The following PTPRG variants were observed in gnomAD, a reference collection of about 807,000 sequenced individuals.
The protein encoded by PTPRG is protein tyrosine phosphatase receptor type G, also known as receptor-type tyrosine-protein phosphatase gamma.
In PTPRG, 102 loss-of-function variants were observed where a neutral mutation model predicts 165.3. The ratio of observed to expected loss-of-function variants is 0.62; its 90% CI spans 0.53 to 0.73. PTPRG has a LOEUF of 0.73. PTPRG is among the 30% of genes least tolerant of loss of function. PTPRG has a pLI of 0.00. For synonymous variants in PTPRG, 675 were observed against 669.5 expected, an observed-to-expected ratio of 1.01 and a Z score of -0.13; for missense variants, 1,866 against 1,861.4, an observed-to-expected ratio of 1.00 and a Z score of -0.05.
intron 2 of PTPRG, among the ~76,000 whole-genome samples, chr3:61,828,394 G>A (rs1290500239): frequency 7.9e-5 from 12 of 152,192 alleles, no homozygotes; most frequent in African/African-American, 2.7e-4. Flanking sequence ...AGTCAGTAGC[G>A]TCTGGGAATA....
chr3:62,273,857 A>ATTTGAATTTATGCT lies in PTPRG; in HGVS notation c.3465+13_3465+14insTTTGAATTTATGCT. ...AAAGCAATTCAAGGTAGTGCTTTGA[A>ATTTGAATTTATGCT]AAAGTTTCTTTGGCATAAAGCAAGA... On this transcript the variant is annotated intron_variant, in intron 23 of 29. Coordinates refer to ENST00000474889, the MANE Select transcript of PTPRG (RefSeq NM_002841.4). The surrounding 1 kb of genome is among the most constrained non-coding windows in gnomAD (Gnocchi z 4.1). 1 of 1,611,146 alleles carries ATTTGAATTTATGCT rather than the reference A, an allele frequency of 6.2e-7. No homozygotes were observed. The highest frequency in any genetic ancestry group is 8.5e-7 in the Non-Finnish European group (1 of 1,178,068).
intron 1 of PTPRG, among the ~76,000 whole-genome samples, chr3:61,747,308 G>A (rs964397636): frequency 3.3e-5 from 5 of 151,134 alleles, no homozygotes; most frequent in Non-Finnish European, 5.9e-5. Flanking sequence ...AACATAGCAA[G>A]ACAGTGTTTT....
chr3:61,983,713 A>G (rs112610034), intron 2 of PTPRG, among the ~76,000 whole-genome samples: 9 of 152,166 alleles, frequency 5.9e-5, no homozygotes, highest in African/African-American at 1.9e-4. Context: ...TATGATTTCT[A>G]TGCTCATACA....
At position 62,214,330 on chromosome 3, in the gene PTPRG, G is replaced by A. The variant is rs755165215; in HGVS notation, c.2156-4521G>A. ...GATGGTGGCGGGTGATGGTGTTGCCGAAGCTGGGGTGGTGGTGATGACAAT... is the reference window on the plus strand; with the variant it reads ...GATGGTGGCGGGTGATGGTGTTGCCAAAGCTGGGGTGGTGGTGATGACAAT... On this transcript the variant is annotated intron_variant, in intron 12 of 29. Coordinates refer to ENST00000474889, the MANE Select transcript of PTPRG (RefSeq NM_002841.4). The surrounding 1 kb of genome is among the most constrained non-coding windows in gnomAD (Gnocchi z 5.2). 3.9e-5 allele frequency among the ~76,000 whole-genome samples: 6 copies of A among 152,186 alleles called. No individual in the cohort carries two copies. The highest frequency in any genetic ancestry group is 5.9e-5 in the Non-Finnish European group (4 of 68,028).
chr3:61,875,665 C>T (rs2037719336), intron 2 of PTPRG, among the ~76,000 whole-genome samples: 1 of 152,132 alleles, frequency 6.6e-6, no homozygotes, highest in Non-Finnish European at 1.5e-5. Context: ...ACGGCACACA[C>T]ACACACAGCA....
In PTPRG at chr3:61,865,850, G is replaced by A. The variant is rs528598030; in HGVS notation, c.190+116868G>A. On this transcript the variant is annotated intron_variant, in intron 2 of 29. Transcript: ENST00000474889. ...TGCTGCTCTTTATTTTCTGCCAGCT[G>A]CATCTGTACTCTTCTAGAAAATGCT... is the stretch of plus-strand genomic sequence containing the variant. Among the ~76,000 whole-genome samples, 3 of 152,316 alleles carry A rather than the reference G, an allele frequency of 2.0e-5. No homozygotes were observed. In the East Asian group the frequency reaches 5.8e-4, roughly 29 times the overall value.
chr3:61,914,144 G>T (rs1476847796), intron 2 of PTPRG, among the ~76,000 whole-genome samples: 3 of 152,200 alleles, frequency 2.0e-5, no homozygotes, highest in African/African-American at 7.2e-5. Context: ...TAGAACTGAT[G>T]TCATGATTAG....
At chr3:61,657,584 G>T (rs1166610953) in intron 1 of PTPRG, among the ~76,000 whole-genome samples, 4 of 152,132 alleles carry the variant, frequency 2.6e-5, no homozygotes, top group Non-Finnish European at 5.9e-5. Context: ...CTCAACTCTG[G>T]CACATGCTTG....
intron 1 of PTPRG, among the ~76,000 whole-genome samples, chr3:61,620,582 A>T (rs190530145): frequency 9.9e-4 from 151 of 152,146 alleles, no homozygotes; most frequent in African/African-American, 3.6e-3. Flanking sequence ...TTCCAAAGTA[A>T]TGTCATTTGG....
chr3:62,244,864 T>A (rs1425022694), intron 15 of PTPRG, among the ~76,000 whole-genome samples: 1 of 152,202 alleles, frequency 6.6e-6, no homozygotes, highest in Non-Finnish European at 1.5e-5. Flanking sequence ...TAGAAAAATT[T>A]CCTTAAAGTT....
chr3:61,968,030 C>T (rs770151697), intron 2 of PTPRG, among the ~76,000 whole-genome samples: 4 of 152,020 alleles, frequency 2.6e-5, no homozygotes, highest in East Asian at 1.9e-4. Flanking sequence ...ATATCAAGCA[C>T]GTCTTATTGG....
At chr3:62,204,334 G>T (rs561719317) in intron 12 of PTPRG, among the ~76,000 whole-genome samples, 1 of 152,174 alleles carries the variant, frequency 6.6e-6, no homozygotes, top group South Asian at 2.1e-4. Flanking sequence ...CCAGGGACTG[G>T]GCAGGGTGCT....
At chr3:62,007,461 A>G (rs754314539) in intron 4 of PTPRG, among the ~76,000 whole-genome samples, 1 of 152,354 alleles carries the variant, frequency 6.6e-6, no homozygotes, top group Admixed American at 6.5e-5. Flanking sequence ...AGTTGAAGTC[A>G]GATTACAATG....
intron 1 of PTPRG, among the ~76,000 whole-genome samples, chr3:61,575,281 TAAAC>T (rs1472715991): frequency 5.3e-5 from 8 of 152,222 alleles, no homozygotes; most frequent in South Asian, 2.1e-4. Context: ...TCTGACCACA[TAAAC>T]AAAGGATTTT....
intron 9 of PTPRG, among the ~76,000 whole-genome samples, chr3:62,192,690 C>A (rs1576118665): frequency 6.6e-6 from 1 of 152,042 alleles, no homozygotes; most frequent in African/African-American, 2.4e-5. Flanking sequence ...GGATTACAGG[C>A]GTGAGCCACT....
intron 4 of PTPRG, among the ~76,000 whole-genome samples, chr3:62,076,834 G>C (rs1273427557): frequency 2.6e-5 from 4 of 152,178 alleles, no homozygotes; most frequent in Non-Finnish European, 5.9e-5. Flanking sequence ...GCCCGCCACA[G>C]CCTCCCAAAG....
intron 14 of PTPRG, among the ~76,000 whole-genome samples, chr3:62,235,032 T>C (rs1415820383): frequency 6.6e-6 from 1 of 151,780 alleles, no homozygotes. Flanking sequence ...CCTTAAAATA[T>C]CACTCACAGC....
chr3:61,781,636 C>T (rs528272520), intron 2 of PTPRG, among the ~76,000 whole-genome samples: 1 of 152,254 alleles, frequency 6.6e-6, no homozygotes, highest in African/African-American at 2.4e-5. Flanking sequence ...TTGCTTTTAT[C>T]AGTATGATAA....
At chr3:62,063,997 T>G (rs72887895) in intron 4 of PTPRG, among the ~76,000 whole-genome samples, 1,524 of 152,332 alleles carry the variant, frequency 0.01, 30 homozygotes, top group African/African-American at 0.033. Flanking sequence ...TAGAACACTT[T>G]GCTGATGAGG....
Sources: gnomAD v4.1 joint callset for allele counts (sites outside exome capture counted in the v4.1 genomes callset) on GRCh38, gnomAD v4.1.1 for gene constraint, Gnocchi (gnomAD v3.1) non-coding constraint, MANE v1.5 for transcripts, NCBI Gene and HGNC (gene_info 2026-07-23, HGNC 2026-07-21) for gene names.